CDH4: variants seen among roughly 807,000 people sequenced by gnomAD.
The protein encoded by CDH4 is cadherin 4, also known as cadherin-4.
In CDH4, 33 loss-of-function variants were observed where a neutral mutation model predicts 86.0. The observed-to-expected ratio is 0.38, with a 90% CI of 0.29 to 0.51. The LOEUF is 0.51. CDH4 is among the 20% of genes least tolerant of loss of function. CDH4 has a pLI of 0.86. For synonymous variants in CDH4, 555 were observed against 549.4 expected (o/e 1.01, Z -0.14); for missense variants, 1,114 against 1,307.4 (o/e 0.85, Z 2.28).
At chr20:61,713,883 C>T (rs2087920431) in intron 2 of CDH4, among the ~76,000 whole-genome samples, 1 of 152,140 alleles carries the variant, frequency 6.6e-6, no homozygotes, top group African/African-American at 2.4e-5. Context: ...CGGGTGTGGG[C>T]ATGGGACCCC....
At chr20:61,381,945 AGG>A (rs574134746) in intron 2 of CDH4, among the ~76,000 whole-genome samples, 36,413 of 150,502 alleles carry the variant, frequency 0.24, 4,782 homozygotes, top group African/African-American at 0.34. Flanking sequence ...GCATGGTGGC[AGG>A]CACCTGTAAT....
intron 2 of CDH4, among the ~76,000 whole-genome samples, chr20:61,742,467 CTT>C (rs1205465356): frequency 6.6e-6 from 1 of 152,164 alleles, no homozygotes; most frequent in Non-Finnish European, 1.5e-5. Context: ...GGGGAAAACA[CTT>C]TATCTAATGT....
chr20:61,323,731 A>G (rs1225064473), intron 2 of CDH4, among the ~76,000 whole-genome samples: 3 of 152,166 alleles, frequency 2.0e-5, no homozygotes, highest in Admixed American at 1.3e-4. Flanking sequence ...ATGCAGGAAC[A>G]CTGAAGGGGG....
chr20:61,776,761 C>G (rs2088847403), intron 4 of CDH4, among the ~76,000 whole-genome samples: 1 of 152,226 alleles, frequency 6.6e-6, no homozygotes, highest in African/African-American at 2.4e-5. Context: ...TTCAGCCACC[C>G]AGGATGAGCG....
chr20:61,717,326 T>C (rs915054082), intron 2 of CDH4, among the ~76,000 whole-genome samples: 5 of 152,206 alleles, frequency 3.3e-5, no homozygotes, highest in African/African-American at 1.2e-4. Context: ...AGTGGCCCAG[T>C]ACTGGGCAGG....
At chr20:61,413,171 C>A (rs1022267255) in intron 2 of CDH4, among the ~76,000 whole-genome samples, 24 of 151,874 alleles carry the variant, frequency 1.6e-4, no homozygotes, top group Admixed American at 1.6e-3. Flanking sequence ...GCTCCCCTCC[C>A]CATTCGCAGA....
At chr20:61,546,973 C>T (rs937839311) in intron 2 of CDH4, among the ~76,000 whole-genome samples, 2 of 152,098 alleles carry the variant, frequency 1.3e-5, no homozygotes, top group Non-Finnish European at 1.5e-5. Context: ...AGAAAGCAGA[C>T]AGCAGTGATG....
At chr20:61,437,224 G>C (rs2085288435) in intron 2 of CDH4, 1 of 152,288 alleles carries the variant, frequency 6.6e-6, no homozygotes, top group African/African-American at 2.4e-5. Context: ...TTTTCAACCA[G>C]AGAAATGACT....
intron 2 of CDH4, among the ~76,000 whole-genome samples, chr20:61,388,580 T>G (rs1200761777): frequency 6.6e-6 from 1 of 152,196 alleles, no homozygotes; most frequent in Non-Finnish European, 1.5e-5. Flanking sequence ...GTGTTGCCTG[T>G]GACATGCCCA....
At chr20:61,867,561 A>AAG (rs33910207) in intron 6 of CDH4, among the ~76,000 whole-genome samples, 83,511 of 141,752 alleles carry the variant, frequency 0.59, 24,835 homozygotes, top group Non-Finnish European at 0.62. Flanking sequence ...AAAAAAAAAA[A>AAG]AGAGAGAGAG....
chr20:61,610,874 G>A (rs1224873191), intron 2 of CDH4, among the ~76,000 whole-genome samples: 1 of 152,146 alleles, frequency 6.6e-6, no homozygotes, highest in Non-Finnish European at 1.5e-5. Context: ...TGGCCACAAG[G>A]CTATCAAGGG....
At chr20:61,716,847 G>A (rs965621680) in intron 2 of CDH4, among the ~76,000 whole-genome samples, 16 of 152,202 alleles carry the variant, frequency 1.1e-4, no homozygotes, top group Admixed American at 1.0e-3. Flanking sequence ...GGCAGAGGTT[G>A]CAGGGAGCTG....
chr20:61,384,725 T>G (rs1228176609), intron 2 of CDH4, among the ~76,000 whole-genome samples: 2 of 152,104 alleles, frequency 1.3e-5, no homozygotes, highest in Non-Finnish European at 2.9e-5. Context: ...AATTATAAAT[T>G]CTCTATTTTT....
In CDH4 at chr20:61,908,528, C is replaced by A. The variant is rs117128476; in HGVS notation, c.1189-1894C>A. Among the ~76,000 whole-genome samples, 63 of 152,326 alleles carry A rather than the reference C, an allele frequency of 4.1e-4. 2 individuals are homozygous for A. In the East Asian group the frequency reaches 0.012, roughly 29 times the overall value. Reference sequence around the variant, plus strand: ...CTCTGAGATTCTGGGCCCAGAACCGCTGCCTCGGGGCCTCTGTGTGCTTCT... The same window carrying A: ...CTCTGAGATTCTGGGCCCAGAACCGATGCCTCGGGGCCTCTGTGTGCTTCT... On this transcript the variant is annotated intron_variant, in intron 8 of 15. Coordinates refer to ENST00000614565, the MANE Select transcript of CDH4 (RefSeq NM_001794.5).
intron 2 of CDH4, among the ~76,000 whole-genome samples, chr20:61,348,293 CA>C (rs2084691066): frequency 1.3e-5 from 2 of 152,164 alleles, no homozygotes; most frequent in African/African-American, 4.8e-5. Context: ...TCCCCTTTAT[CA>C]AATCATCAGA....
intron 2 of CDH4, among the ~76,000 whole-genome samples, chr20:61,394,417 G>T (rs537842920): frequency 6.6e-6 from 1 of 152,146 alleles, no homozygotes; most frequent in South Asian, 2.1e-4. Flanking sequence ...AAAGAAAGTC[G>T]GTTGTTCCCA....
At chr20:61,864,184 G>T (rs1021264005) in intron 6 of CDH4, among the ~76,000 whole-genome samples, 1 of 152,206 alleles carries the variant, frequency 6.6e-6, no homozygotes, top group Non-Finnish European at 1.5e-5. Flanking sequence ...AAGTTGGACG[G>T]TGCCCCAACC....
At chr20:61,317,982 GTGTT>G (rs2084486164) in intron 2 of CDH4, among the ~76,000 whole-genome samples, 1 of 152,224 alleles carries the variant, frequency 6.6e-6, no homozygotes, top group South Asian at 2.1e-4. Context: ...AACGCCAACT[GTGTT>G]TGTTCTTAGC....
At chr20:61,455,688 A>G (rs1194126141) in intron 2 of CDH4, among the ~76,000 whole-genome samples, 3 of 152,166 alleles carry the variant, frequency 2.0e-5, no homozygotes, top group Non-Finnish European at 2.9e-5. Flanking sequence ...AGCTAATGGC[A>G]TCCCTAGACA....
Sources: gnomAD v4.1 joint callset for allele counts (sites outside exome capture counted in the v4.1 genomes callset) on GRCh38, gnomAD v4.1.1 for gene constraint, MANE v1.5 for transcripts, NCBI Gene and HGNC (gene_info 2026-07-23, HGNC 2026-07-21) for gene names.